Variants in CADPS2 observed in about 807,000 individuals in gnomAD.
The protein encoded by CADPS2 is calcium dependent secretion activator 2.
A neutral mutation model predicts 172.5 loss-of-function variants in CADPS2; 93 were observed. The observed-to-expected ratio is 0.54, with a 90% confidence interval of 0.46 to 0.64. CADPS2 has a LOEUF of 0.64. Ranked by LOEUF, CADPS2 falls within the 30% of genes least tolerant of loss-of-function variation. The probability of loss-of-function intolerance (pLI) is 0.00; values close to 1 mark genes in which losing one functional copy is unlikely to be tolerated. For synonymous variants in CADPS2, 546 were observed against 555.2 expected, an observed-to-expected ratio of 0.98 and a Z score of 0.23; for missense variants, 1,420 against 1,565.9, an observed-to-expected ratio of 0.91 and a Z score of 1.57.
At chr7:122,431,137 T>C (rs11972946) in intron 17 of CADPS2, among the ~76,000 whole-genome samples, 58,963 of 152,096 alleles carry the variant, frequency 0.39, 11,618 homozygotes, top group African/African-American at 0.43. Context: ...TTTAATTATT[T>C]AGTAATTGGT....
At chr7:122,526,612 C>T (rs369922773) in intron 8 of CADPS2, among the ~76,000 whole-genome samples, 3 of 152,184 alleles carry the variant, frequency 2.0e-5, no homozygotes, top group East Asian at 1.9e-4. Flanking sequence ...ATTTGTCCCA[C>T]ACATTGTACA....
intron 1 of CADPS2, among the ~76,000 whole-genome samples, chr7:122,754,624 C>T (rs1011357827): frequency 2.0e-5 from 3 of 152,000 alleles, no homozygotes; most frequent in African/African-American, 7.2e-5. Context: ...TTACAGGTGC[C>T]CACCATCACG....
chr7:122,582,866 C>G (rs560301740), intron 6 of CADPS2, among the ~76,000 whole-genome samples: 1 of 151,948 alleles, frequency 6.6e-6, no homozygotes, highest in Admixed American at 6.6e-5. Flanking sequence ...TAAAATCCTC[C>G]CCATAAAACT....
chr7:122,479,229 A>G (rs936147246), intron 12 of CADPS2, among the ~76,000 whole-genome samples: 1 of 152,180 alleles, frequency 6.6e-6, no homozygotes, highest in African/African-American at 2.4e-5. Context: ...CTTTTGAAAT[A>G]TAATACAATT....
chr7:122,703,546 G>A (rs2086502066), intron 2 of CADPS2, among the ~76,000 whole-genome samples: 1 of 152,126 alleles, frequency 6.6e-6, no homozygotes, highest in Non-Finnish European at 1.5e-5. Context: ...AACCTACTAT[G>A]TGCTGGCAAA....
intron 8 of CADPS2, among the ~76,000 whole-genome samples, chr7:122,537,162 T>A (rs569329407): frequency 6.6e-6 from 1 of 151,254 alleles, no homozygotes; most frequent in South Asian, 2.1e-4. Flanking sequence ...TGTACTCCAA[T>A]CTTAAAAGTG....
intron 17 of CADPS2, among the ~76,000 whole-genome samples, chr7:122,419,728 A>T (rs1462711866): frequency 6.6e-6 from 1 of 152,112 alleles, no homozygotes; most frequent in African/African-American, 2.4e-5. Flanking sequence ...GCATTATATT[A>T]TTTCAATGGA....
intron 14 of CADPS2, among the ~76,000 whole-genome samples, chr7:122,455,574 G>A (rs1056379731): frequency 2.0e-4 from 30 of 151,954 alleles, no homozygotes; most frequent in Non-Finnish European, 2.8e-4. Context: ...CATATATGCT[G>A]AGGAAATGAA....
chr7:122,725,737 T>G (rs1170829171), intron 2 of CADPS2, among the ~76,000 whole-genome samples: 1 of 151,748 alleles, frequency 6.6e-6, no homozygotes, highest in African/African-American at 2.4e-5. Context: ...GAGGCTGCAG[T>G]GAGCTTTGAT....
At chr7:122,435,576 T>A (rs1291119980) in intron 17 of CADPS2, among the ~76,000 whole-genome samples, 1 of 152,082 alleles carries the variant, frequency 6.6e-6, no homozygotes, top group African/African-American at 2.4e-5. Context: ...TTGGTAGAAA[T>A]GTAATTAGGT....
chr7:122,862,565 C>T (rs1250761993), intron 1 of CADPS2, among the ~76,000 whole-genome samples: 2 of 152,202 alleles, frequency 1.3e-5, no homozygotes, highest in African/African-American at 4.8e-5. Flanking sequence ...CCCACTGAGC[C>T]TTAAGAGGAG....
chr7:122,617,800 T>C (rs761977384), intron 5 of CADPS2, among the ~76,000 whole-genome samples: 1 of 152,120 alleles, frequency 6.6e-6, no homozygotes, highest in African/African-American at 2.4e-5. Flanking sequence ...TCTCAGCACT[T>C]TGGGAGGCCA....
chr7:122,747,979 G>A (rs958449318), intron 1 of CADPS2, among the ~76,000 whole-genome samples: 4 of 152,060 alleles, frequency 2.6e-5, no homozygotes, highest in African/African-American at 9.7e-5. Context: ...ACATACATCT[G>A]TCACTTGCTT....
intron 27 of CADPS2, among the ~76,000 whole-genome samples, chr7:122,360,202 G>C (rs543194374): frequency 1.3e-5 from 2 of 152,174 alleles, no homozygotes; most frequent in Non-Finnish European, 2.9e-5. Context: ...GCTTAAAAAT[G>C]CTGCACAACT....
chr7:122,795,492 A>G (rs1038962882), intron 1 of CADPS2, among the ~76,000 whole-genome samples: 6 of 152,134 alleles, frequency 3.9e-5, no homozygotes, highest in Non-Finnish European at 8.8e-5. Flanking sequence ...TGAATCCGGC[A>G]TCACTTCAAG....
At chr7:122,786,872 T>C (rs753060440) in intron 1 of CADPS2, among the ~76,000 whole-genome samples, 3 of 152,158 alleles carry the variant, frequency 2.0e-5, no homozygotes, top group Non-Finnish European at 4.4e-5. Context: ...AACCTACTTG[T>C]GACCCATCCT....
chr7:122,718,329 G>A (rs11764881), intron 2 of CADPS2, among the ~76,000 whole-genome samples: 2,719 of 152,028 alleles, frequency 0.018, 38 homozygotes, highest in Non-Finnish European at 0.028. Flanking sequence ...CAAGAAGGGG[G>A]AAGAGGATGT....
chr7:122,362,039 C>T (rs2040214177), intron 25 of CADPS2, among the ~76,000 whole-genome samples: 1 of 151,928 alleles, frequency 6.6e-6, no homozygotes. Context: ...TGCTCTCCAG[C>T]CTGGGTGACA....
chr7:122,635,541 G>A (rs1283847186), intron 3 of CADPS2, among the ~76,000 whole-genome samples: 1 of 149,980 alleles, frequency 6.7e-6, no homozygotes, highest in Non-Finnish European at 1.5e-5. Flanking sequence ...TTGGTTTTTT[G>A]TTCTTGCGAT....
Sources: gnomAD v4.1 joint callset for allele counts (sites outside exome capture counted in the v4.1 genomes callset) on GRCh38, gnomAD v4.1.1 for gene constraint, MANE v1.5 for transcripts, NCBI Gene and HGNC (gene_info 2026-07-23, HGNC 2026-07-21) for gene names.